The following PAM variants were observed in gnomAD, a reference collection of about 807,000 sequenced individuals.
The protein encoded by PAM is peptidylglycine alpha-amidating monooxygenase, also known as peptidyl-glycine alpha-amidating monooxygenase.
In PAM, 72 loss-of-function variants were observed where a neutral mutation model predicts 122.1. The observed-to-expected ratio is 0.59, with a 90% CI of 0.49 to 0.72. The LOEUF (loss-of-function observed/expected upper bound fraction) is 0.72. Ranked by LOEUF, PAM falls within the 30% of genes least tolerant of loss-of-function variation. PAM has a pLI of 0.00. For missense variants in PAM, 1,106 were observed against 1,183.7 expected (o/e 0.93, Z 0.96); for synonymous variants, 389 against 404.4 (o/e 0.96, Z 0.46).
intron 1 of PAM, among the ~76,000 whole-genome samples, chr5:102,813,126 G>A (rs530349933): frequency 6.6e-6 from 1 of 150,650 alleles, no homozygotes; most frequent in South Asian, 2.1e-4. Context: ...AGAAGAGATT[G>A]TTTAATCTTT....
At chr5:102,918,256 C>T (rs1746143724) in intron 5 of PAM, among the ~76,000 whole-genome samples, 1 of 152,018 alleles carries the variant, frequency 6.6e-6, no homozygotes, top group Admixed American at 6.6e-5. Context: ...TATCTAGGGA[C>T]CAAAAGAAAA....
At chr5:102,939,327 T>C (rs1754313227) in intron 7 of PAM, among the ~76,000 whole-genome samples, 1 of 152,108 alleles carries the variant, frequency 6.6e-6, no homozygotes, top group African/African-American at 2.4e-5. Context: ...AAACTCTTTC[T>C]TCTCATGGGG....
At chr5:102,944,716 G>A (rs560148147) in intron 7 of PAM, among the ~76,000 whole-genome samples, 1 of 152,144 alleles carries the variant, frequency 6.6e-6, no homozygotes, top group South Asian at 2.1e-4. Flanking sequence ...CTTCTTTACG[G>A]TCCCATGGCC....
intron 1 of PAM, among the ~76,000 whole-genome samples, chr5:102,779,819 C>T (rs867432853): frequency 6.8e-6 from 1 of 147,134 alleles, no homozygotes; most frequent in Non-Finnish European, 1.5e-5. Context: ...CAATGCTCCT[C>T]GCCTGCAGAC....
chr5:102,861,389 T>C (rs1054873066), intron 1 of PAM, among the ~76,000 whole-genome samples: 1 of 152,216 alleles, frequency 6.6e-6, no homozygotes, highest in African/African-American at 2.4e-5. Flanking sequence ...CTGCCAAAGA[T>C]ACATAACCTG....
chr5:102,951,618 T>C (rs1758918603), intron 12 of PAM, among the ~76,000 whole-genome samples: 1 of 152,090 alleles, frequency 6.6e-6, no homozygotes, highest in Admixed American at 6.6e-5. Context: ...AAGATGATTC[T>C]TGCGATAGCA....
intron 14 of PAM, among the ~76,000 whole-genome samples, chr5:102,968,646 C>A (rs1001920676): frequency 1.3e-5 from 2 of 152,150 alleles, no homozygotes; most frequent in Admixed American, 6.5e-5. Context: ...ATTATTAACA[C>A]CCTTTTCCTT....
At chr5:102,755,023 A>C (rs1749687874), upstream of PAM, 1 of 152,338 alleles carries the variant, frequency 6.6e-6, no homozygotes, top group Non-Finnish European at 1.5e-5. Context: ...GGGACTCGCC[A>C]GGGCTCCACT....
chr5:103,029,286 A>G lies in PAM; in HGVS notation c.*221A>G, dbSNP rs559428547. ...TGCCATTGTCTTTATATGAACATAGACTAGAGAAACCGTCCTCTTTTTCCA... is the reference window on the plus strand; with the variant it reads ...TGCCATTGTCTTTATATGAACATAGGCTAGAGAAACCGTCCTCTTTTTCCA... On this transcript the variant is annotated 3_prime_UTR_variant, in exon 26 of 26. Transcript: ENST00000438793. 7.9e-6 allele frequency: 3 copies of G among 381,588 alleles called. No individual in the cohort carries two copies. The highest frequency in any genetic ancestry group is 4.5e-5 in the Admixed American group (1 of 22,406). The allele number at this position is 381,588 out of a possible 1,614,324, so 23.6% of individuals were successfully genotyped here.
intron 1 of PAM, among the ~76,000 whole-genome samples, chr5:102,789,983 C>T (rs573042111): frequency 1.3e-5 from 2 of 151,836 alleles, no homozygotes; most frequent in African/African-American, 4.8e-5. Flanking sequence ...ATTTTCTTAT[C>T]TTGTATGTGA....
chr5:102,839,725 G>A (rs1409956660), intron 1 of PAM, among the ~76,000 whole-genome samples: 1 of 151,988 alleles, frequency 6.6e-6, no homozygotes, highest in Non-Finnish European at 1.5e-5. Context: ...AGTTAGAGTA[G>A]CCTAATATCA....
Position 102,862,223 on chromosome 5 carries a change from C to CTT in PAM, c.-373-3589_-373-3588dup, listed in dbSNP as rs1156490190. Among the ~76,000 whole-genome samples the CTT allele has an allele frequency of 1.9e-3, 255 of 135,738 alleles. 1 individual carries two copies. Among genetic ancestry groups the CTT allele is most frequent in the African/African-American group, 6.5e-3 (243 of 37,498 alleles). The allele number at this position is 135,738 out of a possible 152,430, so 89.0% of individuals were successfully genotyped here. ...GGCTTTAAAAATAGACACATATTGT[C>CTT]TTTTTTTTTTTTAAAGGGGTGCATA... On this transcript the variant is annotated intron_variant, in intron 1 of 25. Transcript: ENST00000438793.
At chr5:103,007,144 T>C (rs191639254) in intron 19 of PAM, 133 bp downstream of exon 19, 31 of 650,642 alleles carry the variant, frequency 4.8e-5, no homozygotes, top group South Asian at 3.7e-4. Context: ...GGTCATTGTA[T>C]GCATCCAGTT....
At chr5:103,005,116 G>C (rs1382022149) in intron 17 of PAM, 38 bp from the exon 18 acceptor site, 6 of 1,223,496 alleles carry the variant, frequency 4.9e-6, no homozygotes, top group African/African-American at 1.5e-5. Context: ...TGCCTTGAGA[G>C]TAAATGTGTA....
chr5:102,850,368 A>G (rs1781058356), intron 1 of PAM, among the ~76,000 whole-genome samples: 1 of 152,210 alleles, frequency 6.6e-6, no homozygotes, highest in Non-Finnish European at 1.5e-5. Context: ...ATAAACCCCC[A>G]TCCTGCTGAG....
At chr5:102,929,012 T>C (rs1750542540) in intron 7 of PAM, among the ~76,000 whole-genome samples, 1 of 152,152 alleles carries the variant, frequency 6.6e-6, no homozygotes, top group Non-Finnish European at 1.5e-5. Flanking sequence ...ATAAAATTCA[T>C]GTATGCTTAC....
intron 1 of PAM, among the ~76,000 whole-genome samples, chr5:102,852,373 T>C (rs1244941105): frequency 1.3e-5 from 2 of 152,156 alleles, no homozygotes; most frequent in African/African-American, 4.8e-5. Flanking sequence ...CTCTATCAAA[T>C]GTGTAAATTT....
intron 1 of PAM, among the ~76,000 whole-genome samples, chr5:102,764,619 G>A (rs907555720): frequency 6.6e-6 from 1 of 152,162 alleles, no homozygotes; most frequent in African/African-American, 2.4e-5. Context: ...TGTCTTGCTG[G>A]TAGCTAAAAC....
At chr5:102,782,933 A>C (rs1266060591) in intron 1 of PAM, among the ~76,000 whole-genome samples, 1 of 151,098 alleles carries the variant, frequency 6.6e-6, no homozygotes, top group Non-Finnish European at 1.5e-5. Context: ...ATGGCCTTTC[A>C]TTTTCAAGTT....
Sources: gnomAD v4.1 joint callset for allele counts (sites outside exome capture counted in the v4.1 genomes callset) on GRCh38, gnomAD v4.1.1 for gene constraint, MANE v1.5 for transcripts, NCBI Gene and HGNC (gene_info 2026-07-23, HGNC 2026-07-21) for gene names.